The following BRPF3 variants were observed in gnomAD, a reference collection of about 807,000 sequenced individuals.
BRPF3 encodes bromodomain and PHD finger containing 3.
In BRPF3, 18 loss-of-function variants were observed where a neutral mutation model predicts 102.0. The ratio of observed to expected loss-of-function variants is 0.18; its 90% CI spans 0.12 to 0.26. The LOEUF is 0.26. Ranked by LOEUF, BRPF3 falls within the 10% of genes least tolerant of loss-of-function variation. The probability of loss-of-function intolerance (pLI) is 1.00; values close to 1 mark genes in which losing one functional copy is unlikely to be tolerated. For synonymous variants in BRPF3, 570 were observed against 614.2 expected (o/e 0.93, Z 1.06); for missense variants, 1,147 against 1,567.8 (o/e 0.73, Z 4.53).
chr6:36,225,482 A>C (rs41270094), intron 11 of BRPF3, 118 bp downstream of exon 11: 2 of 821,258 alleles, frequency 2.4e-6, no homozygotes, highest in Non-Finnish European at 3.7e-6. Context: ...TGTAGAGGGG[A>C]GGGGGGTTTT....
chr6:36,200,078 A>T lies in BRPF3; in HGVS notation c.-26-219A>T, dbSNP rs1767638580. On this transcript the variant is annotated intron_variant, in intron 1 of 12. Transcript: ENST00000357641. This position sits in a 1 kb window ranked among gnomAD's most constrained non-coding sequence, Gnocchi z 5.3. Reference sequence around the variant, plus strand: ...GTGGAGGAAAAGGATTTGCAATTTTAGATAAAGTGGTCAGAGAAGGTCTCA... The same window carrying T: ...GTGGAGGAAAAGGATTTGCAATTTTTGATAAAGTGGTCAGAGAAGGTCTCA... 6.6e-6 allele frequency among the ~76,000 whole-genome samples: 1 copy of T among 152,252 alleles called. No individual in the cohort carries two copies. The highest frequency in any genetic ancestry group is 2.4e-5 in the African/African-American group (1 of 41,472).
At chr6:36,226,213 T>G (rs1768734883) in intron 11 of BRPF3, among the ~76,000 whole-genome samples, 1 of 152,262 alleles carries the variant, frequency 6.6e-6, no homozygotes. Context: ...GAGTCCCTTC[T>G]TGGGGCAAAG....
intron 11 of BRPF3, 150 bp downstream of exon 11, chr6:36,225,514 A>C: frequency 1.6e-6 from 1 of 610,690 alleles, no homozygotes; most frequent in Non-Finnish European, 2.8e-6. Flanking sequence ...AGTGGGTCAA[A>C]CTAGCAAGGC....
chr6:36,215,235 G>A (rs896357221), intron 8 of BRPF3, among the ~76,000 whole-genome samples: 1 of 152,086 alleles, frequency 6.6e-6, no homozygotes, highest in East Asian at 1.9e-4. Context: ...TCCTGCCTCA[G>A]CCTCCCAAGT....
At position 36,212,982 on chromosome 6, in the gene BRPF3, G is replaced by A. The variant is rs1581967943; in HGVS notation, c.2483-898G>A. On this transcript the variant is annotated intron_variant, in intron 7 of 12. Transcript: ENST00000357641. ...CTCAAAAAAAAAAAAAAAGTTTCAA[G>A]GTGGTAGGTGAGCACACATGTTTGG... 2.0e-5 allele frequency among the ~76,000 whole-genome samples: 3 copies of A among 152,104 alleles called. No homozygotes were observed. In the South Asian group the frequency reaches 6.2e-4, roughly 31 times the overall value.
rs1466835997 is a variant in BRPF3 at position 36,211,357 on chromosome 6, C to T, written c.2279C>T (p.Ser760Phe). The T allele has an allele frequency of 5.0e-6, 8 of 1,614,124 alleles. No individual in the cohort carries two copies. The highest frequency in any genetic ancestry group is 6.8e-6 in the Non-Finnish European group (8 of 1,180,054). Residue 760 changes from serine (S) to phenylalanine (F), a missense_variant, in exon 7 of 13, where the codon TCC (serine) becomes TTC (phenylalanine). By Grantham distance (155) the Ser-to-Phe change is radical. Around this residue, in one of 11 missense-constraint regions of BRPF3, gnomAD observed 379 missense variants for 426.3 expected, o/e 0.89. Coordinates refer to ENST00000357641, the MANE Select transcript of BRPF3 (RefSeq NM_015695.3). Reference protein sequence around the residue: ...EKLDLVSAMRSSGARTRRVRL... With the variant: ...EKLDLVSAMRFSGARTRRVRL... ...CTGGACCTGGTGAGCGCCATGCGGTCCAGTGGGGCCCGCACCCGTCGTGTC... is the reference window on the plus strand; with the variant it reads ...CTGGACCTGGTGAGCGCCATGCGGTTCAGTGGGGCCCGCACCCGTCGTGTC...
At chr6:36,211,920 G>A (rs184005717) in intron 7 of BRPF3, among the ~76,000 whole-genome samples, 121 of 152,256 alleles carry the variant, frequency 7.9e-4, no homozygotes, top group Non-Finnish European at 1.3e-3. Flanking sequence ...TGATACAGCC[G>A]TATTGTACAT....
intron 4 of BRPF3, among the ~76,000 whole-genome samples, chr6:36,209,523 G>T (rs1304228929): frequency 6.6e-6 from 1 of 152,126 alleles, no homozygotes; most frequent in East Asian, 1.9e-4. Flanking sequence ...AAGTGTTAAT[G>T]ATTATAATTG....
At chr6:36,227,078 C>T (rs1472966413) in intron 11 of BRPF3, among the ~76,000 whole-genome samples, 2 of 152,218 alleles carry the variant, frequency 1.3e-5, no homozygotes, top group African/African-American at 4.8e-5. Context: ...AATTCAGCCA[C>T]CACCTGAACA....
At chr6:36,199,345 C>T (rs1417130238) in intron 1 of BRPF3, among the ~76,000 whole-genome samples, 1 of 152,190 alleles carries the variant, frequency 6.6e-6, no homozygotes, top group African/African-American at 2.4e-5. Context: ...GTGTTCACCA[C>T]CCACCCTCAT....
chr6:36,209,228 C>A (rs944672362), intron 4 of BRPF3, among the ~76,000 whole-genome samples: 1 of 152,058 alleles, frequency 6.6e-6, no homozygotes, highest in Non-Finnish European at 1.5e-5. Context: ...ATAATAATTT[C>A]TGTTTCAGGG....
Position 36,200,391 on chromosome 6 carries a change from C to T in BRPF3, c.69C>T (p.Leu23=). The T allele has an allele frequency of 6.2e-7, 1 of 1,614,262 alleles. No homozygotes were observed. Among genetic ancestry groups the T allele is most frequent in the Non-Finnish European group, 8.5e-7 (1 of 1,180,042 alleles). Reference sequence around the variant, plus strand: ...GGCGTTCCCCGTCCCCCTACAGTCTCAAGTGCTCACCCACCCGGGAGACCC... The same window carrying T: ...GGCGTTCCCCGTCCCCCTACAGTCTTAAGTGCTCACCCACCCGGGAGACCC... The part of the protein sequence containing the change: ...EGRRSPSPYS[L]KCSPTRETLT... Residue 23 remains leucine (L), a synonymous_variant, in exon 2 of 13, where the codon CTC becomes CTT. Transcript: ENST00000357641. The surrounding 1 kb of genome is among the most constrained non-coding windows in gnomAD (Gnocchi z 5.3).
Position 36,201,190 on chromosome 6 carries a change from G to A in BRPF3, c.868G>A (p.Val290Met). ...KQTSDGHWAH[V>M]VCAIWIPEVC... ...GACCAGTGATGGGCACTGGGCCCATGTGGTGTGTGCCATCTGGATCCCTGA... is the reference window on the plus strand; with the variant it reads ...GACCAGTGATGGGCACTGGGCCCATATGGTGTGTGCCATCTGGATCCCTGA... Residue 290 changes from valine to methionine, a missense_variant, in exon 2 of 13, where the codon GTG becomes ATG. Physicochemically the swap from Val to Met is conservative, Grantham distance 21 (BLOSUM62 1). Coordinates refer to ENST00000357641, the MANE Select transcript of BRPF3 (RefSeq NM_015695.3). This position sits in a 1 kb window ranked among gnomAD's most constrained non-coding sequence, Gnocchi z 5.1. The A allele has an allele frequency of 1.2e-6, 2 of 1,614,168 alleles. No homozygotes were observed. Among genetic ancestry groups the A allele is most frequent in the Non-Finnish European group, 1.7e-6 (2 of 1,180,020 alleles).
chr6:36,221,663 A>AT (rs930841374), intron 9 of BRPF3, among the ~76,000 whole-genome samples: 5 of 151,498 alleles, frequency 3.3e-5, no homozygotes, highest in African/African-American at 7.3e-5. Flanking sequence ...TGAGAAGTGC[A>AT]TTTTTTTTTC....
chr6:36,213,601 G>T (rs748468583), intron 7 of BRPF3, among the ~76,000 whole-genome samples: 6 of 151,980 alleles, frequency 3.9e-5, no homozygotes, highest in Non-Finnish European at 7.4e-5. Flanking sequence ...TACTTTGGAG[G>T]CTGAGGCAGG....
At chr6:36,204,264 G>C (rs1022986168) in intron 2 of BRPF3, 1 of 219,538 alleles carries the variant, frequency 4.6e-6, no homozygotes, top group African/African-American at 2.3e-5. Flanking sequence ...GGAAATAGTG[G>C]CCACATTAAC....
intron 1 of BRPF3, among the ~76,000 whole-genome samples, chr6:36,198,025 G>C (rs564155627): frequency 1.6e-4 from 25 of 152,178 alleles, no homozygotes; most frequent in Non-Finnish European, 3.7e-4. Flanking sequence ...CTAGGGCCTC[G>C]GTGCCTTTGG....
chr6:36,211,216 G>A, intron 6 of BRPF3, 42 bp from the exon 7 acceptor site: 2 of 1,587,684 alleles, frequency 1.3e-6, no homozygotes, highest in South Asian at 1.1e-5. Flanking sequence ...CCTGTGCTGG[G>A]CAGGTCCTTC....
At position 36,230,238 on chromosome 6, in the gene BRPF3, G is replaced by A. The variant is rs1768892643; in HGVS notation, c.3435-188G>A. Among the ~76,000 whole-genome samples the A allele has an allele frequency of 1.3e-5, 2 of 151,980 alleles. No homozygotes were observed. Among genetic ancestry groups the A allele is most frequent in the Non-Finnish European group, 2.9e-5 (2 of 67,988 alleles). ...CATGCCATTCCCCCACCCGACTCCT[G>A]CATATCCTGCTTGCTGTCCTCACCT... On this transcript the variant is annotated intron_variant, in intron 12 of 12. Coordinates refer to ENST00000357641, the MANE Select transcript of BRPF3 (RefSeq NM_015695.3). The surrounding 1 kb of genome is among the most constrained non-coding windows in gnomAD (Gnocchi z 5.4).
Sources: allele counts gnomAD v4.1 joint callset (sites outside exome capture counted in the v4.1 genomes callset), GRCh38; gene constraint gnomAD v4.1.1; regional missense constraint gnomAD v4.1.1; non-coding constraint Gnocchi (gnomAD v3.1); transcripts MANE v1.5; gene names NCBI Gene and HGNC (gene_info 2026-07-23, HGNC 2026-07-21).